Variants in SH3D21 observed in about 807,000 individuals in gnomAD.
SH3D21 encodes manchette microtubule inner protein 1.
SH3D21 carries 83 observed loss-of-function variants against 82.1 expected under a neutral mutation model. The ratio of observed to expected loss-of-function variants is 1.01; its 90% confidence interval spans 0.85 to 1.21. The LOEUF is 1.21. Ranked by LOEUF, SH3D21 falls within the 50% of genes most tolerant of loss-of-function variation. The pLI is 0.00. For synonymous variants in SH3D21, 383 were observed against 387.8 expected, an observed-to-expected ratio of 0.99 and a Z score of 0.15; for missense variants, 980 against 962.1, an observed-to-expected ratio of 1.02 and a Z score of -0.25.
downstream of SH3D21, among the ~76,000 whole-genome samples, chr1:36,329,933 C>T (rs570632742): frequency 3.9e-5 from 6 of 152,254 alleles, no homozygotes; most frequent in East Asian, 1.9e-4. Context: ...GACCTCCGCA[C>T]AGCTCCCCCA....
downstream of SH3D21, among the ~76,000 whole-genome samples, chr1:36,326,464 C>T (rs1052301720): frequency 2.6e-5 from 4 of 152,118 alleles, no homozygotes; most frequent in African/African-American, 7.2e-5. Flanking sequence ...CTTCTGACCT[C>T]AGGTGATCTG....
chr1:36,314,006 G>A (rs1350638043), intron 10 of SH3D21, among the ~76,000 whole-genome samples: 5 of 9,208 alleles, frequency 5.4e-4, no homozygotes, highest in Admixed American at 2.4e-3. Flanking sequence ...ACGGAGTCTC[G>A]CTCTGTCACC....
chr1:36,329,031 A>G (rs1646569393), downstream of SH3D21: 1 of 152,236 alleles, frequency 6.6e-6, no homozygotes, highest in Admixed American at 6.5e-5. Flanking sequence ...ACCGCTTTCC[A>G]TGGGGCAACT....
At chr1:36,314,001 G>C in intron 10 of SH3D21, among the ~76,000 whole-genome samples, 1 of 4,052 alleles carries the variant, frequency 2.5e-4, no homozygotes, top group Non-Finnish European at 3.4e-3. Context: ...TTGAGACGGA[G>C]TCTCGCTCTG....
chr1:36,306,822 C>T lies in SH3D21; in HGVS notation c.163-20C>T, dbSNP rs1459065855. The stretch of plus-strand genomic sequence containing the variant: ...GCCCCCCGGGAGCTGAGAGCGCCTT[C>T]CCCGTGCCCTGATTCCCAGGAGATC... On this transcript the variant is annotated intron_variant, in intron 2 of 15. Transcript: ENST00000453908. This position sits in a 1 kb window ranked among gnomAD's most constrained non-coding sequence, Gnocchi z 4.5. 2 of 1,295,004 alleles carry T rather than the reference C, an allele frequency of 1.5e-6. No individual in the cohort carries two copies. The highest frequency in any genetic ancestry group is 2.0e-6 in the Non-Finnish European group (2 of 989,076). 80.2% of individuals were successfully genotyped at this position (1,295,004 alleles called of 1,614,324 possible). A position where few individuals can be genotyped will look rare whatever the true frequency, so the allele number is the denominator to read the frequency against.
In SH3D21 at chr1:36,321,091, C is replaced by A. The variant is rs765501557; in HGVS notation, c.2235C>A (p.Thr745=). The part of the protein sequence containing the change: ...QVMQGTQKSQ[T]PRVIHTQTQT... ...TGCAGGGGACCCAGAAGTCCCAGAC[C>A]CCGCGCGTCATCCACACGCAGACGC... The change falls in exon 16 of 16, where the codon ACC becomes ACA. Residue 745 remains threonine (T), a synonymous_variant. Transcript: ENST00000453908. The surrounding 1 kb of genome is among the most constrained non-coding windows in gnomAD (Gnocchi z 6.1). 1.2e-6 allele frequency: 2 copies of A among 1,612,190 alleles called. No homozygotes were observed. Among genetic ancestry groups the A allele is most frequent in the Non-Finnish European group, 1.7e-6 (2 of 1,179,462 alleles).
At chr1:36,329,702 A>G (rs1053650552), downstream of SH3D21, among the ~76,000 whole-genome samples, 2 of 152,080 alleles carry the variant, frequency 1.3e-5, no homozygotes, top group African/African-American at 4.8e-5. Context: ...GATGAACACA[A>G]TGAAAAAAAA....
chr1:36,311,708 T>G (rs1646245058), intron 10 of SH3D21, among the ~76,000 whole-genome samples: 1 of 152,092 alleles, frequency 6.6e-6, no homozygotes, highest in South Asian at 2.1e-4. Context: ...TCTTTTTTTT[T>G]TGAGAAAGGG....
chr1:36,328,623 T>C (rs1055092773), downstream of SH3D21: 3 of 184,582 alleles, frequency 1.6e-5, no homozygotes, highest in Admixed American at 5.3e-5. Flanking sequence ...ACTACAAAAA[T>C]TAGCTGGACA....
chr1:36,320,418 T>C lies in SH3D21; in HGVS notation c.1755T>C (p.Ala585=). Residue 585 remains alanine, a synonymous_variant, in exon 14 of 16, where the codon GCT becomes GCC. Coordinates refer to ENST00000453908, the MANE Select transcript of SH3D21 (RefSeq NM_001162530.2). ...ALEKPHPHEE[A]TTLPEEAPSN... ...AGAAGCCCCACCCCCACGAAGAGGC[T>C]ACAACCCTTCCAGAGGAGGCACCTT... 6.2e-7 allele frequency: 1 copy of C among 1,613,358 alleles called. No homozygotes were observed. Among genetic ancestry groups the C allele is most frequent in the Non-Finnish European group, 8.5e-7 (1 of 1,179,792 alleles).
chr1:36,327,745 A>T, downstream of SH3D21: 1 of 1,233,888 alleles, frequency 8.1e-7, no homozygotes. Context: ...AAGCCAGGCC[A>T]GGTGGGAGAA....
At chr1:36,329,081 T>G (rs761548150), downstream of SH3D21, 5 of 152,334 alleles carry the variant, frequency 3.3e-5, no homozygotes, top group Non-Finnish European at 7.3e-5. Context: ...CAAAGCTGCC[T>G]TTTCATAATG....
intron 10 of SH3D21, among the ~76,000 whole-genome samples, chr1:36,315,955 T>C (rs1414659660): frequency 1.3e-5 from 2 of 152,254 alleles, no homozygotes; most frequent in Non-Finnish European, 2.9e-5. Context: ...TTCTGTGTGA[T>C]AATTTTCCAA....
rs766149325 is a variant in SH3D21, at chr1:36,309,550, C to T, written c.729C>T (p.Ile243=). Residue 243 remains isoleucine (I), a splice_region_variant and synonymous_variant, in exon 10 of 16, where the codon ATC becomes ATT. Coordinates refer to ENST00000453908, the MANE Select transcript of SH3D21 (RefSeq NM_001162530.2). ...ACCTTTACTTCTTTTCGGCATAGAT[C>T]AAGAAGCTGGTCCCACGGAAAGTGG... ...PDNFVLPPPP[I]KKLVPRKVVS... is the part of the protein sequence containing the mutation. 5.8e-6 allele frequency: 9 copies of T among 1,551,638 alleles called. No homozygotes were observed. The highest frequency in any genetic ancestry group is 6.1e-6 in the Non-Finnish European group (7 of 1,146,952).
chr1:36,319,738 A>ACTGCCACCCCAGAGAGGCCCCCAG lies in SH3D21; in HGVS notation c.1078_1101dup (p.Ala360_Ala367dup). 6.3e-7 allele frequency: 1 copy of ACTGCCACCCCAGAGAGGCCCCCAG among 1,598,692 alleles called. No homozygotes were observed. The highest frequency in any genetic ancestry group is 8.5e-7 in the Non-Finnish European group (1 of 1,174,138). On this transcript the variant is annotated inframe_insertion, in exon 14 of 16. Coordinates refer to ENST00000453908, the MANE Select transcript of SH3D21 (RefSeq NM_001162530.2). ...GAAGAGAACCCCCATGCCGGACAAG[A>ACTGCCACCCCAGAGAGGCCCCCAG]CTGCCACCCCAGAGAGGCCCCCAGC...
At chr1:36,308,241 G>C (rs1281019318) in intron 8 of SH3D21, 32 bp downstream of exon 8, 1 of 1,505,438 alleles carries the variant, frequency 6.6e-7, no homozygotes, top group East Asian at 2.5e-5. Flanking sequence ...GGGGCCCAGG[G>C]AAGCCGGTGT....
At chr1:36,322,813 G>A, downstream of SH3D21, 5 of 1,487,554 alleles carry the variant, frequency 3.4e-6, no homozygotes, top group Non-Finnish European at 4.6e-6. Context: ...TAGGTGTGGG[G>A]GCGAGGCCTG....
rs139810452 is a variant in SH3D21, at chr1:36,315,615, C to G, written c.770-3456C>G. Reference sequence around the variant, plus strand: ...CCGCCCACCTCGGCCTCCCAAAGTGCTGGGATTACAGGCGTGAACCACTGC... The same window carrying G: ...CCGCCCACCTCGGCCTCCCAAAGTGGTGGGATTACAGGCGTGAACCACTGC... On this transcript the variant is annotated intron_variant, in intron 10 of 15. Transcript: ENST00000453908. Among the ~76,000 whole-genome samples the G allele has an allele frequency of 2.6e-4, 39 of 152,248 alleles. 1 individual carries two copies. Among genetic ancestry groups the G allele is most frequent in the African/African-American group, 9.1e-4 (38 of 41,544 alleles).
Position 36,320,457 on chromosome 1 carries a change from G to A in SH3D21, c.1794G>A (p.Arg598=). ...AGGAGGCACCTTCCAATGACGAGAG[G>A]ACCCCTGAAGAGGAGGCGCCCCCCA... The part of the protein sequence containing the change: ...LPEEAPSNDE[R]TPEEEAPPNE... Residue 598 remains arginine, a synonymous_variant, in exon 14 of 16, where the codon AGG becomes AGA. Coordinates refer to ENST00000453908, the MANE Select transcript of SH3D21 (RefSeq NM_001162530.2). 1.2e-6 allele frequency: 2 copies of A among 1,613,240 alleles called. No individual in the cohort carries two copies. The highest frequency in any genetic ancestry group is 1.7e-6 in the Non-Finnish European group (2 of 1,179,744).
Sources: gnomAD v4.1 joint callset for allele counts (sites outside exome capture counted in the v4.1 genomes callset) on GRCh38, gnomAD v4.1.1 for gene constraint, Gnocchi (gnomAD v3.1) non-coding constraint, MANE v1.5 for transcripts, NCBI Gene and HGNC (gene_info 2026-07-23, HGNC 2026-07-21) for gene names.